The following CPNE4 variants were observed in gnomAD, a reference collection of about 807,000 sequenced individuals.
CPNE4 encodes copine-4.
Under a neutral mutation model 67.9 loss-of-function variants are expected in CPNE4, and 25 were observed. That is an observed-to-expected ratio of 0.37 (90% CI 0.27 to 0.51). The LOEUF is 0.51. CPNE4 is among the 20% of genes least tolerant of loss of function. The pLI is 0.93. For synonymous variants in CPNE4, 242 were observed against 244.9 expected (o/e 0.99, Z 0.11); for missense variants, 464 against 690.8 (o/e 0.67, Z 3.68).
In CPNE4 at chr3:131,541,806, G is replaced by A. The variant is rs543203966; in HGVS notation, c.1539+751C>T. On this transcript the variant is annotated intron_variant, in intron 15 of 15. Transcript: ENST00000429747. The stretch of plus-strand genomic sequence containing the variant: ...CTGCCTCAGCCTCCCGAGTAGCTGG[G>A]ATTACAGGCGCCTGCCACCACGCCC... Among the ~76,000 whole-genome samples, 682 of 152,098 alleles carry A rather than the reference G, an allele frequency of 4.5e-3. 3 individuals are homozygous for A. The highest frequency in any genetic ancestry group is 0.027 in the Middle Eastern group (8 of 294).
chr3:131,854,580 CA>C (rs1485320368), intron 2 of CPNE4, among the ~76,000 whole-genome samples: 1 of 151,656 alleles, frequency 6.6e-6, no homozygotes, highest in Admixed American at 6.6e-5. Flanking sequence ...CCCAAAATCC[CA>C]AAGAGGAAAA....
At chr3:131,894,764 G>T (rs2088257742) in intron 2 of CPNE4, among the ~76,000 whole-genome samples, 1 of 151,888 alleles carries the variant, frequency 6.6e-6, no homozygotes, top group South Asian at 2.1e-4. Flanking sequence ...CTATTGGAGG[G>T]ACTGTAAACT....
At chr3:131,959,691 T>G (rs1269214760) in intron 1 of CPNE4, among the ~76,000 whole-genome samples, 1 of 152,172 alleles carries the variant, frequency 6.6e-6, no homozygotes, top group Non-Finnish European at 1.5e-5. Context: ...TGAAACACAA[T>G]CATGCCTCTC....
chr3:131,695,577 C>T lies in CPNE4; in HGVS notation c.507+965G>A, dbSNP rs77430189. Among the ~76,000 whole-genome samples, 121 of 152,254 alleles carry T rather than the reference C, an allele frequency of 7.9e-4. 1 individual carries two copies. The East Asian group carries it at 0.022, about 28-fold the overall frequency. Reference sequence around the variant, plus strand: ...GCTTATAATAGCACCAGGGAAGATACTATAAAGAAGTTTTGTGAGTTTTTC... The same window carrying T: ...GCTTATAATAGCACCAGGGAAGATATTATAAAGAAGTTTTGTGAGTTTTTC... On this transcript the variant is annotated intron_variant, in intron 5 of 15. Coordinates refer to ENST00000429747, the MANE Select transcript of CPNE4 (RefSeq NM_130808.3).
chr3:131,740,621 C>G (rs756671603), intron 2 of CPNE4, among the ~76,000 whole-genome samples: 1 of 152,166 alleles, frequency 6.6e-6, no homozygotes, highest in South Asian at 2.1e-4. Context: ...ACTATTCTCT[C>G]TTCTCTTGGA....
intron 1 of CPNE4, among the ~76,000 whole-genome samples, chr3:131,922,086 TAGTAGTCTCCAGTTTCTA>T (rs1021795062): frequency 1.3e-5 from 2 of 152,182 alleles, no homozygotes; most frequent in African/African-American, 4.8e-5. Flanking sequence ...TGCCCCCAAC[TAGTAGTCTCCAGTTTCTA>T]TTGTTGCCAT....
intron 7 of CPNE4, among the ~76,000 whole-genome samples, chr3:131,631,291 T>A (rs2079214617): frequency 6.6e-6 from 1 of 152,188 alleles, no homozygotes; most frequent in South Asian, 2.1e-4. Context: ...TTCTATGTCT[T>A]TAGCTTTCCC....
intron 2 of CPNE4, among the ~76,000 whole-genome samples, chr3:131,868,461 C>T (rs892295931): frequency 2.0e-5 from 3 of 152,134 alleles, no homozygotes; most frequent in Non-Finnish European, 4.4e-5. Context: ...GGATAAAGAA[C>T]CTTGATTCCT....
intron 2 of CPNE4, among the ~76,000 whole-genome samples, chr3:131,889,994 A>G (rs2088042333): frequency 6.6e-6 from 1 of 152,130 alleles, no homozygotes; most frequent in South Asian, 2.1e-4. Flanking sequence ...TTACTACAAG[A>G]AAATATAGAA....
At chr3:131,997,520 T>G (rs979152861) in intron 1 of CPNE4, among the ~76,000 whole-genome samples, 2 of 152,128 alleles carry the variant, frequency 1.3e-5, no homozygotes, top group Non-Finnish European at 1.5e-5. Flanking sequence ...TTTTTCTTTA[T>G]GTGAATAAAA....
chr3:131,981,408 G>C (rs974369470), intron 1 of CPNE4, among the ~76,000 whole-genome samples: 2 of 152,078 alleles, frequency 1.3e-5, no homozygotes, highest in African/African-American at 4.8e-5. Flanking sequence ...CAAGTCACTG[G>C]AGTTGTGTAT....
chr3:131,746,173 T>C (rs181455301), intron 2 of CPNE4, among the ~76,000 whole-genome samples: 2 of 152,154 alleles, frequency 1.3e-5, no homozygotes. Context: ...TACATATTTA[T>C]GGGGTACAAC....
rs1230341167 is a variant in CPNE4, at chr3:132,019,148, AC to A, written c.-2+15418del. Among the ~76,000 whole-genome samples, 3 of 140,194 alleles carry A rather than the reference AC, an allele frequency of 2.1e-5. No individual in the cohort carries two copies. The South Asian group carries it at 7.6e-4, about 35-fold the overall frequency. The allele number at this position is 140,194 out of a possible 152,430, so 92.0% of individuals were successfully genotyped here. On this transcript the variant is annotated intron_variant, in intron 1 of 15. Transcript: ENST00000429747. ...ACATTCCTAAGGAGTTGTGAAGCAA[AC>A]AAAAAAAAAATAGGAAAAGCTCTGA...
At chr3:131,752,656 T>A (rs1583141398) in intron 2 of CPNE4, among the ~76,000 whole-genome samples, 1 of 152,186 alleles carries the variant, frequency 6.6e-6, no homozygotes, top group East Asian at 1.9e-4. Context: ...GAAAAGTACA[T>A]GTATTCCATA....
chr3:131,907,785 C>CAACCTCAGTTCCCTTAGGTAAAAGG (rs879936253), intron 1 of CPNE4, among the ~76,000 whole-genome samples: 1 of 152,078 alleles, frequency 6.6e-6, no homozygotes, highest in African/African-American at 2.4e-5. Context: ...AAATGTTTAC[C>CAACCTCAGTTCCCTTAGGTAAAAGG]AACCTCAGTT....
intron 1 of CPNE4, among the ~76,000 whole-genome samples, chr3:131,950,703 G>T (rs2071696785): frequency 6.6e-6 from 1 of 152,126 alleles, no homozygotes; most frequent in South Asian, 2.1e-4. Context: ...AGTATTCCTG[G>T]ATATTAAAAT....
At chr3:131,765,233 A>T (rs568977163) in intron 2 of CPNE4, among the ~76,000 whole-genome samples, 2 of 152,246 alleles carry the variant, frequency 1.3e-5, no homozygotes, top group East Asian at 1.9e-4. Flanking sequence ...AACTGAAAAT[A>T]TCATGCTTCC....
chr3:131,727,726 C>A (rs1035072387), intron 2 of CPNE4, among the ~76,000 whole-genome samples: 8 of 152,154 alleles, frequency 5.3e-5, no homozygotes, highest in Non-Finnish European at 8.8e-5. Flanking sequence ...CCAAATTTTT[C>A]TCTTACTCCT....
chr3:131,938,247 C>T (rs2071283317), intron 1 of CPNE4, among the ~76,000 whole-genome samples: 1 of 151,870 alleles, frequency 6.6e-6, no homozygotes, highest in South Asian at 2.1e-4. Flanking sequence ...GTCTCAGTTA[C>T]TCCGGAGGCT....
Sources: gnomAD v4.1 joint callset for allele counts (sites outside exome capture counted in the v4.1 genomes callset) on GRCh38, gnomAD v4.1.1 for gene constraint, MANE v1.5 for transcripts, NCBI Gene and HGNC (gene_info 2026-07-23, HGNC 2026-07-21) for gene names.